Variants in JAK3 observed in about 807,000 individuals in gnomAD.
JAK3 encodes tyrosine-protein kinase JAK3.
Under a neutral mutation model 120.8 loss-of-function variants are expected in JAK3, and 88 were observed. The ratio of observed to expected loss-of-function variants is 0.73; its 90% CI spans 0.61 to 0.87. JAK3 has a LOEUF of 0.87. Among genes scored for constraint, JAK3 ranks in the 40% least tolerant of loss-of-function variants. The pLI, the probability that JAK3 is intolerant of heterozygous loss-of-function variation, is 0.00. For synonymous variants in JAK3, 592 were observed against 628.6 expected (o/e 0.94, Z 0.87); for missense variants, 1,254 against 1,501.4 (o/e 0.84, Z 2.72).
chr19:17,842,920 T>A lies in JAK3; in HGVS notation c.566+107A>T. Reference sequence around the variant, plus strand: ...GAGGCCCTGGGTCATAGGAACACCCTGAAAGCTTGCAGGAGAACTCCATGG... The same window carrying A: ...GAGGCCCTGGGTCATAGGAACACCCAGAAAGCTTGCAGGAGAACTCCATGG... On this transcript the variant is annotated intron_variant, in intron 5 of 23. Transcript: ENST00000458235. This position sits in a 1 kb window ranked among gnomAD's most constrained non-coding sequence, Gnocchi z 6.4. The A allele has an allele frequency of 1.3e-6, 2 of 1,502,856 alleles. No homozygotes were observed. Among genetic ancestry groups the A allele is most frequent in the Non-Finnish European group, 1.8e-6 (2 of 1,096,600 alleles). 93.1% of individuals were successfully genotyped at this position (1,502,856 alleles called of 1,614,324 possible).
Position 17,844,345 on chromosome 19 carries a change from C to G in JAK3, c.73G>C (p.Ala25Pro), listed in dbSNP as rs761209690. 10 of 1,611,820 alleles carry G rather than the reference C, an allele frequency of 6.2e-6. No individual in the cohort carries two copies. Among genetic ancestry groups the G allele is most frequent in the Non-Finnish European group, 8.5e-6 (10 of 1,179,618 alleles). The change falls in exon 2 of 24, where the codon GCC becomes CCC. Residue 25 changes from alanine (A) to proline (P), a missense_variant. Coordinates refer to ENST00000458235, the MANE Select transcript of JAK3 (RefSeq NM_000215.4). ...CGAGCGGGCAGCAGCACATGCAGGG[C>G]ACCAGCCTCCGTGGACAAGAGGCTG... is the stretch of plus-strand genomic sequence containing the variant. ...SCSLLSTEAG[A>P]LHVLLPARGP...
chr19:17,841,284 C>G lies in JAK3; in HGVS notation c.1142+105G>C. On this transcript the variant is annotated intron_variant, in intron 8 of 23. Transcript: ENST00000458235. This position sits in a 1 kb window ranked among gnomAD's most constrained non-coding sequence, Gnocchi z 4.1. The stretch of plus-strand genomic sequence containing the variant: ...CTGTGCGGCAGGTGTGGTTTGAAAA[C>G]TTGACCCCTGTCCAGGGCTCCTGGA... 8.1e-7 allele frequency: 1 copy of G among 1,239,686 alleles called. No individual in the cohort carries two copies. The highest frequency in any genetic ancestry group is 1.1e-6 in the Non-Finnish European group (1 of 897,590). 76.8% of individuals were successfully genotyped at this position (1,239,686 alleles called of 1,614,324 possible). A position where few individuals can be genotyped will look rare whatever the true frequency, so the allele number is the denominator to read the frequency against.
intron 1 of JAK3, among the ~76,000 whole-genome samples, chr19:17,847,678 AC>A (rs1392944925): frequency 4.0e-5 from 6 of 149,554 alleles, no homozygotes; most frequent in Non-Finnish European, 8.9e-5. Context: ...CCCACCCCCA[AC>A]CCCGCAGCCC....
Position 17,843,719 on chromosome 19 carries a change from G to A in JAK3, c.308+58C>T, listed in dbSNP as rs997536815. On this transcript the variant is annotated intron_variant, in intron 3 of 23. Transcript: ENST00000458235. The surrounding 1 kb of genome is among the most constrained non-coding windows in gnomAD (Gnocchi z 5.4). The stretch of plus-strand genomic sequence containing the variant: ...CCTGGGGCAGGGGTGTGGGCACCTC[G>A]AAATGCAAGGAGATGATAAAATTGT... 243 of 1,604,472 alleles carry A rather than the reference G, an allele frequency of 1.5e-4. 2 individuals carry two copies. The South Asian group carries it at 2.3e-3, about 15-fold the overall frequency.
At chr19:17,845,299 C>A (rs1188517013) in intron 1 of JAK3, among the ~76,000 whole-genome samples, 1 of 152,162 alleles carries the variant, frequency 6.6e-6, no homozygotes, top group African/African-American at 2.4e-5. Context: ...ACCCCAGTAG[C>A]TGGGATTACA....
In JAK3 at chr19:17,832,896, G is replaced by A. The variant is rs2147679139; in HGVS notation, c.2384C>T (p.Ala795Val). 1 of 1,614,208 alleles carries A rather than the reference G, an allele frequency of 6.2e-7. No individual in the cohort carries two copies. The change falls in exon 18 of 24, where the codon GCC becomes GTC. Residue 795 changes from alanine to valine, a missense_variant. Ala to Val is a moderately conservative substitution (Grantham distance 64). Around this residue, in one of 3 missense-constraint regions of JAK3, gnomAD observed 630 missense variants for 819.8 expected, o/e 0.77. Coordinates refer to ENST00000458235, the MANE Select transcript of JAK3 (RefSeq NM_000215.4). This position sits in a 1 kb window ranked among gnomAD's most constrained non-coding sequence, Gnocchi z 4.7. ...CCACAGCCCATCACGAGGTGCCAGG[G>A]CACCAGGTGTGGGGTCTGAGAGGAG... ...YELLSDPTPG[A>V]LAPRDGLWNG...
chr19:17,838,671 G>A (rs1422827543), intron 10 of JAK3, among the ~76,000 whole-genome samples: 4 of 150,594 alleles, frequency 2.7e-5, no homozygotes, highest in Non-Finnish European at 4.4e-5. Context: ...TCGGCCTCCC[G>A]AATAGCTGGG....
intron 11 of JAK3, 75 bp from the exon 12 acceptor site, chr19:17,838,138 T>C (rs1025594256): frequency 6.2e-7 from 1 of 1,612,824 alleles, no homozygotes; most frequent in Non-Finnish European, 8.5e-7. Flanking sequence ...GAGACATAGC[T>C]GCTGGCCCCA....
Position 17,834,573 on chromosome 19 carries a change from G to A in JAK3, c.2348C>T (p.Ser783Leu), listed in dbSNP as rs912810655. 2.5e-6 allele frequency: 4 copies of A among 1,613,392 alleles called. No individual in the cohort carries two copies. Among genetic ancestry groups the A allele is most frequent in the Admixed American group, 1.7e-5 (1 of 59,944 alleles). Residue 783 changes from serine to leucine, a missense_variant and splice_region_variant, in exon 17 of 24, where the codon TCA becomes TTA. Around this residue, in one of 3 missense-constraint regions of JAK3, gnomAD observed 630 missense variants for 819.8 expected, o/e 0.77. Transcript: ENST00000458235. ...ACCCAACCCGTCCCAGCGGGCACCT[G>A]AAGAGATGAGGCTATTGAGGTCACG... is the stretch of plus-strand genomic sequence containing the variant. ...VIRDLNSLIS[S>L]DYELLSDPTP...
chr19:17,832,842 T>A lies in JAK3; in HGVS notation c.2438A>T (p.Asp813Val), dbSNP rs912109966. 1.9e-6 allele frequency: 3 copies of A among 1,614,008 alleles called. No individual in the cohort carries two copies. In the African/African-American group the frequency reaches 4.0e-5, roughly 22 times the overall value. Residue 813 changes from aspartate (D) to valine (V), a missense_variant, in exon 18 of 24, where the codon GAC becomes GTC. Asp to Val is a radical substitution (Grantham distance 152). Around this residue, in one of 3 missense-constraint regions of JAK3, gnomAD observed 630 missense variants for 819.8 expected, o/e 0.77. Transcript: ENST00000458235. This position sits in a 1 kb window ranked among gnomAD's most constrained non-coding sequence, Gnocchi z 4.7. ...WNGAQLYACQ[D>V]PTIFEERHLK... ...GTGTCTCTCCTCGAAGATCGTGGGG[T>A]CTTGGCAGGCATAGAGCTGGGCACC...
In JAK3 at chr19:17,842,174, C is replaced by T; in HGVS notation, c.861+142G>A. The T allele has an allele frequency of 2.1e-6, 2 of 953,178 alleles. No homozygotes were observed. The highest frequency in any genetic ancestry group is 3.0e-6 in the Non-Finnish European group (2 of 660,258). The allele number at this position is 953,178 out of a possible 1,614,324, so 59.0% of individuals were successfully genotyped here. ...CCCATTCCCGCAGTCTCCTCCCTCA[C>T]TAAGCCCCGCCCCTCATTAAGCCTC... On this transcript the variant is annotated intron_variant, in intron 6 of 23. Coordinates refer to ENST00000458235, the MANE Select transcript of JAK3 (RefSeq NM_000215.4). The surrounding 1 kb of genome is among the most constrained non-coding windows in gnomAD (Gnocchi z 6.4).
rs2094229238 is a variant in JAK3, at chr19:17,838,280, C to T, written c.1552G>A (p.Ala518Thr). 1 of 1,614,112 alleles carries T rather than the reference C, an allele frequency of 6.2e-7. No homozygotes were observed. Among genetic ancestry groups the T allele is most frequent in the Non-Finnish European group, 8.5e-7 (1 of 1,180,036 alleles). ...CCTCTTACCCACTCCAGGCTGTCAG[C>T]AGGGATCTTGTGAAATGTCATCTGA... The part of the protein sequence containing the change: ...LSQMTFHKIP[A>T]DSLEWHENLG... The change falls in exon 11 of 24, where the codon GCT (alanine) becomes ACT (threonine). Residue 518 changes from alanine to threonine, a missense_variant. Physicochemically the swap from Ala to Thr is moderately conservative, Grantham distance 58. Coordinates refer to ENST00000458235, the MANE Select transcript of JAK3 (RefSeq NM_000215.4).
chr19:17,839,340 C>T, intron 10 of JAK3, 137 bp downstream of exon 10: 1 of 820,190 alleles, frequency 1.2e-6, no homozygotes, highest in Non-Finnish European at 2.1e-6. Flanking sequence ...ACTTCCTGAG[C>T]CAACAAATCA....
Position 17,843,698 on chromosome 19 carries a change from G to T in JAK3, c.308+79C>A. 6.5e-7 allele frequency: 1 copy of T among 1,542,572 alleles called. No individual in the cohort carries two copies. The highest frequency in any genetic ancestry group is 1.4e-5 in the African/African-American group (1 of 73,614). On this transcript the variant is annotated intron_variant, in intron 3 of 23. Transcript: ENST00000458235. This position sits in a 1 kb window ranked among gnomAD's most constrained non-coding sequence, Gnocchi z 5.4. ...AATGGGTAGTGACCATACCTCCCTG[G>T]GGCAGGGGTGTGGGCACCTCGAAAT...
At chr19:17,844,122 C>T in intron 2 of JAK3, 112 bp downstream of exon 2, 2 of 1,304,534 alleles carry the variant, frequency 1.5e-6, no homozygotes. Flanking sequence ...TACTCATCCC[C>T]CAAAGCCCCA....
chr19:17,844,077 C>G (rs1209316385), intron 2 of JAK3, among the ~76,000 whole-genome samples, 157 bp downstream of exon 2: 1 of 152,184 alleles, frequency 6.6e-6, no homozygotes, highest in Non-Finnish European at 1.5e-5. Flanking sequence ...GCCTCAGAAG[C>G]CAACCCTGCA....
At chr19:17,838,239 G>A (rs199612916) in intron 11 of JAK3, 24 bp downstream of exon 11, 3 of 1,613,740 alleles carry the variant, frequency 1.9e-6, no homozygotes, top group Middle Eastern at 1.7e-4. Context: ...CTGAGGTATC[G>A]CCTCATTTCC....
chr19:17,841,300 G>A lies in JAK3; in HGVS notation c.1142+89C>T, dbSNP rs1233703983. On this transcript the variant is annotated intron_variant, in intron 8 of 23. Transcript: ENST00000458235. This position sits in a 1 kb window ranked among gnomAD's most constrained non-coding sequence, Gnocchi z 4.1. Reference sequence around the variant, plus strand: ...GTTTGAAAACTTGACCCCTGTCCAGGGCTCCTGGAAGGTGAGGACACTGAG... The same window carrying A: ...GTTTGAAAACTTGACCCCTGTCCAGAGCTCCTGGAAGGTGAGGACACTGAG... 2 of 1,386,758 alleles carry A rather than the reference G, an allele frequency of 1.4e-6. No homozygotes were observed. Among genetic ancestry groups the A allele is most frequent in the South Asian group, 1.3e-5 (1 of 77,972 alleles). 85.9% of individuals were successfully genotyped at this position (1,386,758 alleles called of 1,614,324 possible). A position where few individuals can be genotyped will look rare whatever the true frequency, so the allele number is the denominator to read the frequency against.
Position 17,843,312 on chromosome 19 carries a change from G to A in JAK3, c.420+68C>T. The A allele has an allele frequency of 6.6e-7, 1 of 1,512,814 alleles. No homozygotes were observed. The highest frequency in any genetic ancestry group is 9.0e-7 in the Non-Finnish European group (1 of 1,112,256). 93.7% of individuals were successfully genotyped at this position (1,512,814 alleles called of 1,614,324 possible). A position where few individuals can be genotyped will look rare whatever the true frequency, so the allele number is the denominator to read the frequency against. On this transcript the variant is annotated intron_variant, in intron 4 of 23. Coordinates refer to ENST00000458235, the MANE Select transcript of JAK3 (RefSeq NM_000215.4). This position sits in a 1 kb window ranked among gnomAD's most constrained non-coding sequence, Gnocchi z 5.4. ...GGGTCAGACGAGGCCCCACCTGATT[G>A]CATGCCAGTCCTCATGTTGCCCCTT...
Sources: gnomAD v4.1 joint callset for allele counts (sites outside exome capture counted in the v4.1 genomes callset) on GRCh38, gnomAD v4.1.1 for gene constraint, gnomAD v4.1.1 regional missense constraint, Gnocchi (gnomAD v3.1) non-coding constraint, MANE v1.5 for transcripts, NCBI Gene and HGNC (gene_info 2026-07-23, HGNC 2026-07-21) for gene names.